Variants in SYNJ2 observed in about 807,000 individuals in gnomAD.
SYNJ2 encodes polyphosphatidylinositol phosphatase SYNJ2.
Under a neutral mutation model 141.3 loss-of-function variants are expected in SYNJ2, and 116 were observed. The ratio of observed to expected loss-of-function variants is 0.82; its 90% CI spans 0.71 to 0.96. The LOEUF (loss-of-function observed/expected upper bound fraction) is 0.96. SYNJ2 is among the 40% of genes least tolerant of loss of function. SYNJ2 has a pLI of 0.00. For missense variants in SYNJ2, 1,873 were observed against 1,934.8 expected, an observed-to-expected ratio of 0.97 and a Z score of 0.60; for synonymous variants, 745 against 777.7, an observed-to-expected ratio of 0.96 and a Z score of 0.70.
In SYNJ2 at chr6:158,064,650, T is replaced by C. The variant is rs1402616202; in HGVS notation, c.1259T>C (p.Val420Ala). The change falls in exon 10 of 27, where the codon GTT becomes GCT. Residue 420 changes from valine to alanine, a missense_variant. Transcript: ENST00000355585. ...KTLGLSSKPI[V>A]DRFVESFKAM... is the part of the protein sequence containing the mutation. ...CTGGGGCTGAGTTCAAAACCCATCG[T>C]TGACCGCTTTGTGGAGTCCTTCAAA... is the stretch of plus-strand genomic sequence containing the variant. 15 of 1,614,036 alleles carry C rather than the reference T, an allele frequency of 9.3e-6. No homozygotes were observed. Among genetic ancestry groups the C allele is most frequent in the Middle Eastern group, 3.3e-4 (2 of 6,084 alleles).
intron 25 of SYNJ2, 89 bp downstream of exon 25, chr6:158,090,036 CT>C (rs1289712678): frequency 1.2e-6 from 1 of 842,188 alleles, no homozygotes; most frequent in Non-Finnish European, 2.0e-6. Context: ...GAAAATAACT[CT>C]TTTTATTCTT....
At chr6:158,058,606 T>C (rs955531792) in intron 6 of SYNJ2, among the ~76,000 whole-genome samples, 14 of 152,182 alleles carry the variant, frequency 9.2e-5, no homozygotes, top group Admixed American at 2.6e-4. Context: ...AATAAGAGAT[T>C]CATTTCACAC....
chr6:158,030,569 G>A (rs10806798), intron 3 of SYNJ2: 54,989 of 152,462 alleles, frequency 0.36, 10,120 homozygotes, highest in Middle Eastern at 0.49. Flanking sequence ...GGATATTTGG[G>A]GGCAGTAATG....
chr6:158,026,784 G>A lies in SYNJ2; in HGVS notation c.215-1972G>A, dbSNP rs1017198304. The A allele has an allele frequency of 6.9e-5, 68 of 979,466 alleles. No individual in the cohort carries two copies. In the Middle Eastern group the frequency reaches 2.1e-3, roughly 30 times the overall value. The allele number at this position is 979,466 out of a possible 1,614,324, so 60.7% of individuals were successfully genotyped here. On this transcript the variant is annotated intron_variant, in intron 2 of 26. Coordinates refer to ENST00000355585, the MANE Select transcript of SYNJ2 (RefSeq NM_003898.4). ...ACAGGGGCCATCCTCCTGCCTCTCCGAGGGCACTTCTGCTGAACTGTGCTT... is the reference window on the plus strand; with the variant it reads ...ACAGGGGCCATCCTCCTGCCTCTCCAAGGGCACTTCTGCTGAACTGTGCTT...
intron 22 of SYNJ2, among the ~76,000 whole-genome samples, chr6:158,086,571 A>C (rs1383090669): frequency 6.6e-6 from 1 of 152,190 alleles, no homozygotes; most frequent in African/African-American, 2.4e-5. Context: ...ACTCTGCCCA[A>C]GTCTTGTTAT....
At chr6:158,091,354 T>C (rs373708533) in intron 25 of SYNJ2, among the ~76,000 whole-genome samples, 3 of 151,398 alleles carry the variant, frequency 2.0e-5, no homozygotes, top group East Asian at 3.9e-4. Flanking sequence ...TAACTAAAAC[T>C]ATGGATATAA....
chr6:158,071,878 G>A lies in SYNJ2; in HGVS notation c.2133+84G>A, dbSNP rs1317097994. On this transcript the variant is annotated intron_variant, in intron 15 of 26. Coordinates refer to ENST00000355585, the MANE Select transcript of SYNJ2 (RefSeq NM_003898.4). The surrounding 1 kb of genome is among the most constrained non-coding windows in gnomAD (Gnocchi z 4.3). ...CTGTTGATAGGAGCCAGGCACTGGG[G>A]ACACAACCACAGGGAGGGCCCCTTC... The A allele has an allele frequency of 4.1e-6, 6 of 1,480,270 alleles. No homozygotes were observed. The highest frequency in any genetic ancestry group is 1.4e-5 in the African/African-American group (1 of 71,916). The allele number at this position is 1,480,270 out of a possible 1,614,324, so 91.7% of individuals were successfully genotyped here. A position where few individuals can be genotyped will look rare whatever the true frequency, so the allele number is the denominator to read the frequency against.
Position 158,033,441 on chromosome 6 carries a change from A to G in SYNJ2, c.486-14A>G, listed in dbSNP as rs1779476361. ...GTCAAGTGACTGGAATTGGTGTGGGACTGTGTTTTGCAGGAACCAGCTGTT... is the reference window on the plus strand; with the variant it reads ...GTCAAGTGACTGGAATTGGTGTGGGGCTGTGTTTTGCAGGAACCAGCTGTT... On this transcript the variant is annotated splice_polypyrimidine_tract_variant and intron_variant, in intron 3 of 26. Coordinates refer to ENST00000355585, the MANE Select transcript of SYNJ2 (RefSeq NM_003898.4). 1 of 1,612,566 alleles carries G rather than the reference A, an allele frequency of 6.2e-7. No homozygotes were observed. Among genetic ancestry groups the G allele is most frequent in the Non-Finnish European group, 8.5e-7 (1 of 1,178,906 alleles).
At chr6:158,037,560 C>T (rs1376399511) in intron 4 of SYNJ2, among the ~76,000 whole-genome samples, 2 of 151,930 alleles carry the variant, frequency 1.3e-5, no homozygotes, top group Admixed American at 1.3e-4. Flanking sequence ...CGCCACCACG[C>T]CCGGCTAATT....
intron 4 of SYNJ2, among the ~76,000 whole-genome samples, chr6:158,041,771 C>T (rs937919711): frequency 6.6e-6 from 1 of 152,194 alleles, no homozygotes; most frequent in African/African-American, 2.4e-5. Flanking sequence ...TGTCGTGGTG[C>T]AATCATAGCT....
At position 158,071,468 on chromosome 6, in the gene SYNJ2, A is replaced by ACTG; in HGVS notation, c.1941-133_1941-131dup. On this transcript the variant is annotated intron_variant, in intron 14 of 26. Coordinates refer to ENST00000355585, the MANE Select transcript of SYNJ2 (RefSeq NM_003898.4). This position sits in a 1 kb window ranked among gnomAD's most constrained non-coding sequence, Gnocchi z 4.3. Reference sequence around the variant, plus strand: ...GGAGTCGATGACGGCCACGGTGGCCACTGTGTTGAGCTGATGATTTTGGAG... The same window carrying ACTG: ...GGAGTCGATGACGGCCACGGTGGCCACTGCTGTGTTGAGCTGATGATTTTGGAG... 9.8e-7 allele frequency: 1 copy of ACTG among 1,017,820 alleles called. No individual in the cohort carries two copies. The highest frequency in any genetic ancestry group is 1.6e-5 in the South Asian group (1 of 60,648). The allele number at this position is 1,017,820 out of a possible 1,614,324, so 63.0% of individuals were successfully genotyped here.
rs1010648290 is a variant in SYNJ2, at chr6:158,040,602, G to A, written c.712-2714G>A. Among the ~76,000 whole-genome samples the A allele has an allele frequency of 6.6e-6, 1 of 152,162 alleles. No homozygotes were observed. Among genetic ancestry groups the A allele is most frequent in the Non-Finnish European group, 1.5e-5 (1 of 68,020 alleles). On this transcript the variant is annotated intron_variant, in intron 4 of 26. Transcript: ENST00000355585. The surrounding 1 kb of genome is among the most constrained non-coding windows in gnomAD (Gnocchi z 4.2). ...TAAGGCCACTGACTCATTCAGGGAG[G>A]TTAGGATGACTGCGTGTCCTCCCAG...
intron 3 of SYNJ2, 185 bp downstream of exon 3, chr6:158,029,211 A>G (rs1392094387): frequency 1.4e-6 from 1 of 725,242 alleles, no homozygotes; most frequent in East Asian, 2.8e-5. Context: ...ACTCCCTGCC[A>G]CCCCCCACCC....
Position 158,017,525 on chromosome 6 carries a change from C to T in SYNJ2, c.214+235C>T, listed in dbSNP as rs1055493429. ...TGCCTCCTGGGTTCAAGCAATTCTC[C>T]TGCCTCAGCCTCCTGAATAGCTGGG... On this transcript the variant is annotated intron_variant, in intron 2 of 26. Transcript: ENST00000355585. 7 of 530,792 alleles carry T rather than the reference C, an allele frequency of 1.3e-5. No individual in the cohort carries two copies. The Middle Eastern group carries it at 1.6e-3, about 124-fold the overall frequency. The allele number at this position is 530,792 out of a possible 1,614,324, so 32.9% of individuals were successfully genotyped here. A position where few individuals can be genotyped will look rare whatever the true frequency, so the allele number is the denominator to read the frequency against.
chr6:158,066,688 T>C (rs1781588329), intron 12 of SYNJ2, 53 bp downstream of exon 12: 1 of 1,584,516 alleles, frequency 6.3e-7, no homozygotes, highest in Non-Finnish European at 8.6e-7. Context: ...TAACCTGACA[T>C]GTCACGCTTG....
At position 157,982,122 on chromosome 6, in the gene SYNJ2, G is replaced by T; in HGVS notation, c.127+34G>T. 7.8e-7 allele frequency: 1 copy of T among 1,289,772 alleles called. No individual in the cohort carries two copies. Among genetic ancestry groups the T allele is most frequent in the Admixed American group, 4.2e-5 (1 of 24,014 alleles). 79.9% of individuals were successfully genotyped at this position (1,289,772 alleles called of 1,614,324 possible). A position where few individuals can be genotyped will look rare whatever the true frequency, so the allele number is the denominator to read the frequency against. ...GGGCCGGGGGCAGCGACGCCCGGAG[G>T]AGAGGGCGCCCGCATTCGCCCAGCC... On this transcript the variant is annotated intron_variant, in intron 1 of 26. Coordinates refer to ENST00000355585, the MANE Select transcript of SYNJ2 (RefSeq NM_003898.4). The surrounding 1 kb of genome is among the most constrained non-coding windows in gnomAD (Gnocchi z 4.0).
At chr6:158,094,074 T>TC (rs1783646238) in intron 26 of SYNJ2, 6 of 746,358 alleles carry the variant, frequency 8.0e-6, no homozygotes, top group South Asian at 1.4e-5. Context: ...CGATGCTGCT[T>TC]CCCCCCTAGA....
Position 158,066,623 on chromosome 6 carries a change from A to G in SYNJ2, c.1705A>G (p.Thr569Ala). Residue 569 changes from threonine (T) to alanine (A), a missense_variant, in exon 12 of 27, where the codon ACC (threonine) becomes GCC (alanine). Coordinates refer to ENST00000355585, the MANE Select transcript of SYNJ2 (RefSeq NM_003898.4). ...CGACTCGCCCCAGCTCTCGGGAGCT[A>G]CCGACTCCCAGGGTGAGGGCAGTGA... ...LLDSPQLSGA[T>A]DSQDDSSPAD... The G allele has an allele frequency of 6.2e-7, 1 of 1,613,588 alleles. No individual in the cohort carries two copies. The highest frequency in any genetic ancestry group is 1.1e-5 in the South Asian group (1 of 91,092).
chr6:158,076,404 GAGAT>G (rs370819712), intron 16 of SYNJ2, among the ~76,000 whole-genome samples: 2,797 of 152,268 alleles, frequency 0.018, 84 homozygotes, highest in African/African-American at 0.063. Context: ...AGTGGGTGGG[GAGAT>G]AGATACGAGG....
Sources: gnomAD v4.1 joint callset for allele counts (sites outside exome capture counted in the v4.1 genomes callset) on GRCh38, gnomAD v4.1.1 for gene constraint, Gnocchi (gnomAD v3.1) non-coding constraint, MANE v1.5 for transcripts, NCBI Gene and HGNC (gene_info 2026-07-23, HGNC 2026-07-21) for gene names.